The following DOCK1 variants were observed in gnomAD, a reference collection of about 807,000 sequenced individuals.
The protein encoded by DOCK1 is dedicator of cytokinesis 1.
In DOCK1, 138 loss-of-function variants were observed where a neutral mutation model predicts 262.7. That is an observed-to-expected ratio of 0.53 (90% confidence interval 0.46 to 0.61). The LOEUF (loss-of-function observed/expected upper bound fraction) is 0.61. Among genes scored for constraint, DOCK1 ranks in the 20% least tolerant of loss-of-function variants. The pLI, the probability that DOCK1 is intolerant of heterozygous loss-of-function variation, is 0.00. For synonymous variants in DOCK1, 866 were observed against 867.4 expected (o/e 1.00, Z 0.03); for missense variants, 1,908 against 2,370.7 (o/e 0.80, Z 4.05).
intron 31 of DOCK1, among the ~76,000 whole-genome samples, chr10:127,353,355 A>G (rs939106272): frequency 5.9e-5 from 9 of 152,190 alleles, no homozygotes; most frequent in African/African-American, 2.2e-4. Flanking sequence ...GGGAGCCAGC[A>G]CTACAAGCCT....
At chr10:127,330,688 G>A (rs940713800) in intron 29 of DOCK1, among the ~76,000 whole-genome samples, 24 of 152,200 alleles carry the variant, frequency 1.6e-4, no homozygotes, top group Admixed American at 1.2e-3. Context: ...ACCAGGAAGC[G>A]TAGCCTCCAG....
At chr10:127,013,923 G>A (rs956402244) in intron 12 of DOCK1, among the ~76,000 whole-genome samples, 6 of 152,238 alleles carry the variant, frequency 3.9e-5, no homozygotes, top group African/African-American at 7.2e-5. Flanking sequence ...ACTGCAGGGC[G>A]CTGCCCACCG....
rs573269183 is a variant in DOCK1, at chr10:127,002,042, A to G, written c.985+1735A>G. Reference sequence around the variant, plus strand: ...CATTTTCATGTCATGACTTGAATACATACTTGAAAATTGCCCCTCTATTTG... The same window carrying G: ...CATTTTCATGTCATGACTTGAATACGTACTTGAAAATTGCCCCTCTATTTG... On this transcript the variant is annotated intron_variant, in intron 10 of 51. Transcript: ENST00000623213. 1.8e-4 allele frequency among the ~76,000 whole-genome samples: 27 copies of G among 152,310 alleles called. No homozygotes were observed. The East Asian group carries it at 3.7e-3, about 21-fold the overall frequency.
intron 35 of DOCK1, among the ~76,000 whole-genome samples, chr10:127,377,594 G>T (rs2065572878): frequency 6.6e-6 from 1 of 151,784 alleles, no homozygotes; most frequent in Non-Finnish European, 1.5e-5. Context: ...CTATTTTCTT[G>T]CCCTTAAAAA....
chr10:127,045,868 G>A (rs1406277297), intron 21 of DOCK1, among the ~76,000 whole-genome samples: 2 of 152,150 alleles, frequency 1.3e-5, no homozygotes, highest in African/African-American at 4.8e-5. Flanking sequence ...CATCTGCTCC[G>A]CCCCCTCTAG....
At chr10:127,011,352 C>T (rs772562827) in intron 11 of DOCK1, among the ~76,000 whole-genome samples, 10 of 152,196 alleles carry the variant, frequency 6.6e-5, no homozygotes, top group Non-Finnish European at 1.2e-4. Flanking sequence ...GCACATCTCC[C>T]TCCCTCCCTG....
At chr10:127,050,211 G>T (rs1182563950) in intron 21 of DOCK1, among the ~76,000 whole-genome samples, 1 of 150,820 alleles carries the variant, frequency 6.6e-6, no homozygotes, top group Non-Finnish European at 1.5e-5. Context: ...TGGTGTCAAA[G>T]GATTTGAATA....
intron 27 of DOCK1, among the ~76,000 whole-genome samples, chr10:127,174,425 G>C (rs1021763743): frequency 2.6e-5 from 4 of 152,212 alleles, no homozygotes; most frequent in African/African-American, 7.2e-5. Context: ...GCACTGGGGA[G>C]CTCAAGAACT....
At chr10:127,089,306 T>C (rs1345423324) in intron 23 of DOCK1, among the ~76,000 whole-genome samples, 1 of 152,136 alleles carries the variant, frequency 6.6e-6, no homozygotes, top group African/African-American at 2.4e-5. Context: ...TCTGTGTGTT[T>C]CTTGATGCTC....
At chr10:127,115,222 G>A (rs2049110298) in intron 25 of DOCK1, among the ~76,000 whole-genome samples, 1 of 152,332 alleles carries the variant, frequency 6.6e-6, no homozygotes, top group Middle Eastern at 3.4e-3. Context: ...ATGCTGATAA[G>A]GCATCCACCT....
intron 32 of DOCK1, among the ~76,000 whole-genome samples, chr10:127,356,364 T>C (rs905933208): frequency 2.0e-5 from 3 of 152,186 alleles, no homozygotes; most frequent in Non-Finnish European, 2.9e-5. Context: ...ATAAAGTGGT[T>C]GGACTGAATT....
intron 29 of DOCK1, among the ~76,000 whole-genome samples, chr10:127,272,989 G>A (rs2060623160): frequency 6.6e-6 from 1 of 152,110 alleles, no homozygotes; most frequent in East Asian, 1.9e-4. Context: ...AGATTTGGGT[G>A]GGGACACAGG....
rs1333392861 is a variant in DOCK1 at position 127,437,784 on chromosome 10, A to G, written c.5061-1243A>G. On this transcript the variant is annotated intron_variant, in intron 48 of 51. Coordinates refer to ENST00000623213, the MANE Select transcript of DOCK1 (RefSeq NM_001290223.2). This position sits in a 1 kb window ranked among gnomAD's most constrained non-coding sequence, Gnocchi z 4.4. ...ATGAGCCACCATGCCCGGCCCTGCAATGGCCTTCTTAATGAGAACAGTGGC... is the reference window on the plus strand; with the variant it reads ...ATGAGCCACCATGCCCGGCCCTGCAGTGGCCTTCTTAATGAGAACAGTGGC... 6.6e-6 allele frequency among the ~76,000 whole-genome samples: 1 copy of G among 152,220 alleles called. No individual in the cohort carries two copies. The highest frequency in any genetic ancestry group is 2.4e-5 in the African/African-American group (1 of 41,454).
chr10:127,249,354 CTT>C (rs1222930441), intron 28 of DOCK1, among the ~76,000 whole-genome samples: 1 of 151,216 alleles, frequency 6.6e-6, no homozygotes, highest in African/African-American at 2.4e-5. Context: ...TATTTTTATA[CTT>C]ATATATACAT....
intron 1 of DOCK1, among the ~76,000 whole-genome samples, chr10:126,908,127 G>A (rs1040672785): frequency 2.0e-5 from 3 of 152,112 alleles, no homozygotes; most frequent in African/African-American, 7.2e-5. Context: ...TCCCCCATCA[G>A]GGAGGGTGGG....
intron 21 of DOCK1, among the ~76,000 whole-genome samples, chr10:127,050,218 A>C (rs2044627108): frequency 6.6e-6 from 1 of 151,442 alleles, no homozygotes; most frequent in African/African-American, 2.4e-5. Flanking sequence ...AAAGGATTTG[A>C]ATATCCTTAA....
At chr10:127,337,563 C>T (rs2063254937) in intron 29 of DOCK1, among the ~76,000 whole-genome samples, 1 of 152,196 alleles carries the variant, frequency 6.6e-6, no homozygotes, top group South Asian at 2.1e-4. Context: ...CAAAATCTGG[C>T]AACCCTGCGG....
intron 29 of DOCK1, among the ~76,000 whole-genome samples, chr10:127,337,667 T>A (rs2063261075): frequency 6.6e-6 from 1 of 152,222 alleles, no homozygotes; most frequent in South Asian, 2.1e-4. Flanking sequence ...GAAACACTAA[T>A]TCCTCCTTTC....
At chr10:127,303,243 T>TA (rs749933761) in intron 29 of DOCK1, among the ~76,000 whole-genome samples, 4 of 152,076 alleles carry the variant, frequency 2.6e-5, no homozygotes, top group Non-Finnish European at 4.4e-5. Context: ...ACCTCAAGGA[T>TA]AGGAGGTGTC....
Sources: gnomAD v4.1 joint callset for allele counts (sites outside exome capture counted in the v4.1 genomes callset) on GRCh38, gnomAD v4.1.1 for gene constraint, Gnocchi (gnomAD v3.1) non-coding constraint, MANE v1.5 for transcripts, NCBI Gene and HGNC (gene_info 2026-07-23, HGNC 2026-07-21) for gene names.